The following TTK variants were observed in gnomAD, a reference collection of about 807,000 sequenced individuals.
The protein encoded by TTK is TTK protein kinase.
A neutral mutation model predicts 117.3 loss-of-function variants in TTK; 59 were observed. The ratio of observed to expected loss-of-function variants is 0.50; its 90% CI spans 0.41 to 0.62. The LOEUF is 0.62. TTK is among the 20% of genes least tolerant of loss of function. The pLI, the probability that TTK is intolerant of heterozygous loss-of-function variation, is 0.00. For missense variants in TTK, 921 were observed against 989.4 expected (o/e 0.93, Z 0.93); for synonymous variants, 302 against 325.0 (o/e 0.93, Z 0.76).
chr6:80,008,033 T>G lies in TTK; in HGVS notation c.362+2T>G. ...AGTGAGATTTGCTGAATTAAAAGCGTAAGTATTAGCATTTTAACTATGTTC... is the reference window on the plus strand; with the variant it reads ...AGTGAGATTTGCTGAATTAAAAGCGGAAGTATTAGCATTTTAACTATGTTC... On this transcript the variant is annotated splice_donor_variant, in intron 3 of 21. Coordinates refer to ENST00000369798, the MANE Select transcript of TTK (RefSeq NM_003318.5). LOFTEE classifies it high-confidence loss of function. The G allele has an allele frequency of 6.2e-7, 1 of 1,612,860 alleles. No individual in the cohort carries two copies. Among genetic ancestry groups the G allele is most frequent in the Non-Finnish European group, 8.5e-7 (1 of 1,179,336 alleles).
intron 10 of TTK, among the ~76,000 whole-genome samples, chr6:80,016,239 G>A (rs2127672901): frequency 6.6e-6 from 1 of 152,330 alleles, no homozygotes; most frequent in African/African-American, 2.4e-5. Flanking sequence ...TATTCCAAGA[G>A]TGGGATTGTT....
At chr6:80,036,101 C>CA (rs1767900150) in intron 16 of TTK, among the ~76,000 whole-genome samples, 1 of 152,028 alleles carries the variant, frequency 6.6e-6, no homozygotes, top group African/African-American at 2.4e-5. Flanking sequence ...GGCAGTGAAT[C>CA]ACAGTGGTTA....
intron 16 of TTK, among the ~76,000 whole-genome samples, 174 bp from the exon 17 acceptor site, chr6:80,036,296 TAGAAC>T (rs999278923): frequency 2.0e-5 from 3 of 152,132 alleles, no homozygotes; most frequent in African/African-American, 7.2e-5. Flanking sequence ...ACAATGAACT[TAGAAC>T]AGTGCCTGGC....
At position 80,040,280 on chromosome 6, in the gene TTK, G is replaced by A; in HGVS notation, c.2392G>A (p.Val798Ile). ...ATATGTTCAAATTCAAACTCATCCA[G>A]GTACTACTTCTTTAAAAATTTGTTT... ...HPYVQIQTHP[V>I]NQMAKGTTEE... Residue 798 changes from valine (V) to isoleucine (I), a missense_variant and splice_region_variant, in exon 20 of 22, where the codon GTT becomes ATT. Val to Ile is a conservative substitution (Grantham distance 29). Coordinates refer to ENST00000369798, the MANE Select transcript of TTK (RefSeq NM_003318.5). The A allele has an allele frequency of 6.4e-7, 1 of 1,573,550 alleles. No individual in the cohort carries two copies. The highest frequency in any genetic ancestry group is 8.6e-7 in the Non-Finnish European group (1 of 1,163,248).
At chr6:80,037,495 T>C (rs1267510446) in intron 17 of TTK, 2 of 152,532 alleles carry the variant, frequency 1.3e-5, no homozygotes, top group Non-Finnish European at 2.9e-5. Flanking sequence ...GTATTTTTGT[T>C]TGTATATTGG....
intron 17 of TTK, chr6:80,037,468 T>C (rs1056835908): frequency 6.6e-5 from 10 of 152,626 alleles, no homozygotes; most frequent in African/African-American, 1.9e-4. Flanking sequence ...AGGACTACTG[T>C]GAGACAAAGC....
Position 80,039,629 on chromosome 6 carries a change from A to G in TTK, c.2131-67A>G, listed in dbSNP as rs551576743. Reference sequence around the variant, plus strand: ...ATGATTTTAAATATGTATATTTAATATATATGTTTTTTCATTTTATATGAA... The same window carrying G: ...ATGATTTTAAATATGTATATTTAATGTATATGTTTTTTCATTTTATATGAA... On this transcript the variant is annotated intron_variant, in intron 18 of 21. Coordinates refer to ENST00000369798, the MANE Select transcript of TTK (RefSeq NM_003318.5). The G allele has an allele frequency of 5.8e-6, 7 of 1,200,590 alleles. No homozygotes were observed. In the East Asian group the frequency reaches 1.2e-4, roughly 20 times the overall value. The allele number at this position is 1,200,590 out of a possible 1,614,324, so 74.4% of individuals were successfully genotyped here.
At chr6:80,038,690 C>T (rs1371087446) in intron 18 of TTK, among the ~76,000 whole-genome samples, 8 of 152,058 alleles carry the variant, frequency 5.3e-5, no homozygotes, top group Non-Finnish European at 1.0e-4. Context: ...CTTAGAAAAT[C>T]TGGCTTGTAA....
At chr6:80,022,961 A>C (rs751642582) in intron 11 of TTK, among the ~76,000 whole-genome samples, 19 of 152,206 alleles carry the variant, frequency 1.2e-4, no homozygotes, top group Non-Finnish European at 2.2e-4. Context: ...GGTCATACTC[A>C]TTGATAAAAA....
In TTK at chr6:80,011,953, A is replaced by C; in HGVS notation, c.869A>C (p.Asp290Ala). The C allele has an allele frequency of 1.2e-6, 2 of 1,611,592 alleles. No homozygotes were observed. The highest frequency in any genetic ancestry group is 1.7e-6 in the Non-Finnish European group (2 of 1,178,874). Residue 290 changes from aspartate to alanine, a missense_variant, in exon 8 of 22, where the codon GAT becomes GCT. By Grantham distance (126) the Asp-to-Ala change is moderately radical (BLOSUM62 -2). Coordinates refer to ENST00000369798, the MANE Select transcript of TTK (RefSeq NM_003318.5). ...NSPDCDVKTD[D>A]SVVPCFMKRQ... The stretch of plus-strand genomic sequence containing the variant: ...CCAGATTGTGATGTGAAGACAGATG[A>C]TTCAGTTGTACCTTGTTTTATGAAA...
chr6:80,007,856 G>C lies in TTK; in HGVS notation c.187G>C (p.Glu63Gln). 2 of 1,613,354 alleles carry C rather than the reference G, an allele frequency of 1.2e-6. No individual in the cohort carries two copies. The highest frequency in any genetic ancestry group is 1.7e-6 in the Non-Finnish European group (2 of 1,179,564). The change falls in exon 3 of 22, where the codon GAG becomes CAG. Residue 63 changes from glutamate (E) to glutamine (Q), a missense_variant. By Grantham distance (29) the Glu-to-Gln change is conservative. Transcript: ENST00000369798. ...AATTATGATGATGGCAAACAACCCAGAGGACTGGTTGAGTTTGTTGCTCAA... is the reference window on the plus strand; with the variant it reads ...AATTATGATGATGGCAAACAACCCACAGGACTGGTTGAGTTTGTTGCTCAA... ...NQIMMMANNP[E>Q]DWLSLLLKLE...
At chr6:80,020,907 G>A (rs1767441777) in intron 10 of TTK, among the ~76,000 whole-genome samples, 1 of 152,206 alleles carries the variant, frequency 6.6e-6, no homozygotes, top group South Asian at 2.1e-4. Context: ...TGCAGATGGA[G>A]CATTCCAAAC....
At chr6:80,014,701 T>C in intron 10 of TTK, 115 bp downstream of exon 10, 1 of 1,115,916 alleles carries the variant, frequency 9.0e-7, no homozygotes, top group Non-Finnish European at 1.2e-6. Context: ...CTATGTTCTT[T>C]TATCTTGAAT....
intron 18 of TTK, among the ~76,000 whole-genome samples, chr6:80,039,206 A>G (rs1001257905): frequency 6.6e-6 from 1 of 151,994 alleles, no homozygotes; most frequent in Non-Finnish European, 1.5e-5. Context: ...TAAATACTTG[A>G]GGATTTTGGA....
At position 80,042,164 on chromosome 6, in the gene TTK, T is replaced by A; in HGVS notation, c.2536T>A (p.Ser846Thr). 6.2e-7 allele frequency: 1 copy of A among 1,603,890 alleles called. No individual in the cohort carries two copies. The highest frequency in any genetic ancestry group is 8.5e-7 in the Non-Finnish European group (1 of 1,173,974). Residue 846 changes from serine to threonine, a missense_variant, in exon 22 of 22, where the codon TCC becomes ACC. By Grantham distance (58) the Ser-to-Thr change is moderately conservative. Transcript: ENST00000369798. The stretch of plus-strand genomic sequence containing the variant: ...TGGTGGTGAAAGTCATAATTCTTCA[T>A]CCTCCAAGACTTTTGAAAAAAAAAG... ...YSGGESHNSS[S>T]SKTFEKKRGK... is the part of the protein sequence containing the mutation.
chr6:80,026,577 G>A lies in TTK; in HGVS notation c.1394+63G>A, dbSNP rs1767614300. 1.0e-5 allele frequency: 16 copies of A among 1,585,910 alleles called. 1 individual carries two copies. The South Asian group carries it at 1.9e-4, about 19-fold the overall frequency. The stretch of plus-strand genomic sequence containing the variant: ...TATGATAGAATTAACATGGGCTTCT[G>A]GGCCAAATAAATCTGGGATTAAATC... On this transcript the variant is annotated intron_variant, in intron 12 of 21. Transcript: ENST00000369798.
intron 13 of TTK, among the ~76,000 whole-genome samples, chr6:80,029,678 C>G (rs930445048): frequency 6.6e-6 from 1 of 152,090 alleles, no homozygotes; most frequent in Non-Finnish European, 1.5e-5. Flanking sequence ...TTGCTGGGCC[C>G]TTAAGTTTTA....
rs780129118 is a variant in TTK at position 80,011,924 on chromosome 6, T to C, written c.840T>C (p.Asn280=). The change falls in exon 8 of 22, where the codon AAT becomes AAC. Residue 280 remains asparagine (N), a synonymous_variant. Transcript: ENST00000369798. ...GAAGAGTCCCAGTTAACCTTCTAAA[T>C]AGCCCAGATTGTGATGTGAAGACAG... ...PFGRVPVNLL[N]SPDCDVKTDD... 1.2e-6 allele frequency: 2 copies of C among 1,612,592 alleles called. No individual in the cohort carries two copies. The highest frequency in any genetic ancestry group is 2.2e-5 in the South Asian group (2 of 90,932).
At chr6:80,011,574 AT>A in intron 6 of TTK, 26 bp downstream of exon 6, 7 of 1,580,398 alleles carry the variant, frequency 4.4e-6, no homozygotes, top group Non-Finnish European at 6.0e-6. Context: ...CAGTTTTTAA[AT>A]GTTCATCTTC....
Sources: allele counts gnomAD v4.1 joint callset (sites outside exome capture counted in the v4.1 genomes callset), GRCh38; gene constraint gnomAD v4.1.1; transcripts MANE v1.5; gene names NCBI Gene and HGNC (gene_info 2026-07-23, HGNC 2026-07-21).